Variants in ERICH1 observed in about 807,000 individuals in gnomAD.
ERICH1 encodes the protein glutamate rich 1.
In ERICH1, 56 loss-of-function variants were observed where a neutral mutation model predicts 39.6. The ratio of observed to expected loss-of-function variants is 1.41; its 90% CI spans 1.14 to 1.77. The LOEUF (loss-of-function observed/expected upper bound fraction) is 1.77, where lower values mean the gene tolerates loss of function less well. ERICH1 is among the 40% of genes most tolerant of loss of function. The pLI, the probability that ERICH1 is intolerant of heterozygous loss-of-function variation, is 0.00. For synonymous variants in ERICH1, 313 were observed against 223.6 expected (o/e 1.40, Z -3.57); for missense variants, 826 against 575.4 (o/e 1.44, Z -4.45).
At chr8:702,721 G>C (rs1001847818) in intron 2 of ERICH1, among the ~76,000 whole-genome samples, 2 of 152,238 alleles carry the variant, frequency 1.3e-5, no homozygotes, top group East Asian at 1.9e-4. Flanking sequence ...TTGTGTGGGA[G>C]CGACACTGGT....
intron 3 of ERICH1, among the ~76,000 whole-genome samples, chr8:681,925 C>A (rs907206740): frequency 1.3e-5 from 2 of 152,196 alleles, no homozygotes; most frequent in African/African-American, 2.4e-5. Flanking sequence ...CCCCACCACG[C>A]CTCGGTGACG....
At position 699,577 on chromosome 8, in the gene ERICH1, G is replaced by A. The variant is rs951069373; in HGVS notation, c.170-6965C>T. Among the ~76,000 whole-genome samples the A allele has an allele frequency of 2.8e-5, 4 of 143,774 alleles. No homozygotes were observed. In the East Asian group the frequency reaches 5.8e-4, roughly 21 times the overall value. The allele number at this position is 143,774 out of a possible 152,430, so 94.3% of individuals were successfully genotyped here. A position where few individuals can be genotyped will look rare whatever the true frequency, so the allele number is the denominator to read the frequency against. On this transcript the variant is annotated intron_variant, in intron 2 of 5. Transcript: ENST00000262109. ...GCAGGCGTTCCAGAGAAGGAGGACG[G>A]CTTCATTTCCCTCCTATTTTCATCA...
intron 1 of ERICH1, among the ~76,000 whole-genome samples, chr8:717,849 G>A (rs1781986970): frequency 6.6e-6 from 1 of 152,248 alleles, no homozygotes; most frequent in Non-Finnish European, 1.5e-5. Flanking sequence ...CAGAACGCCT[G>A]AGGCTGGGCA....
chr8:693,989 TC>T (rs61562425), intron 2 of ERICH1, among the ~76,000 whole-genome samples: 33,946 of 152,190 alleles, frequency 0.22, 3,939 homozygotes, highest in East Asian at 0.43. Context: ...AGTTTAGTCT[TC>T]CTTTTTTCAT....
intron 3 of ERICH1, among the ~76,000 whole-genome samples, chr8:677,361 G>A (rs1291475826): frequency 6.6e-6 from 1 of 152,212 alleles, no homozygotes; most frequent in Non-Finnish European, 1.5e-5. Context: ...TTCCCACCGT[G>A]TCTTGTTGTG....
At chr8:700,955 C>G (rs1811971424) in intron 2 of ERICH1, among the ~76,000 whole-genome samples, 1 of 152,258 alleles carries the variant, frequency 6.6e-6, no homozygotes, top group South Asian at 2.1e-4. Context: ...CCAAAAATGA[C>G]AGAGGAAAAG....
intron 3 of ERICH1, among the ~76,000 whole-genome samples, chr8:638,499 G>C (rs1262534774): frequency 1.3e-5 from 2 of 152,180 alleles, no homozygotes; most frequent in African/African-American, 2.4e-5. Flanking sequence ...AAACTGTCTT[G>C]TCAGGAGGGA....
At chr8:687,708 G>A (rs1263367746) in intron 3 of ERICH1, among the ~76,000 whole-genome samples, 2 of 152,154 alleles carry the variant, frequency 1.3e-5, no homozygotes, top group East Asian at 1.9e-4. Flanking sequence ...GGCTGAAGTC[G>A]GCAGAACTGC....
chr8:674,398 G>A (rs1804190437), intron 3 of ERICH1, among the ~76,000 whole-genome samples: 1 of 151,066 alleles, frequency 6.6e-6, no homozygotes, highest in Admixed American at 6.6e-5. Context: ...TGCCTCCCAG[G>A]TTCAAGTGAT....
chr8:694,929 G>A (rs1809795043), intron 2 of ERICH1, among the ~76,000 whole-genome samples: 1 of 152,074 alleles, frequency 6.6e-6, no homozygotes, highest in Non-Finnish European at 1.5e-5. Flanking sequence ...CCCTGGACCT[G>A]GCATCTAAGA....
At chr8:615,320 A>C (rs1438917929) in intron 3 of ERICH1, 3 of 646,782 alleles carry the variant, frequency 4.6e-6, no homozygotes, top group African/African-American at 1.8e-5. Flanking sequence ...AGTTGTGTTC[A>C]TCATTTTAAT....
chr8:676,754 C>T (rs375138174), intron 3 of ERICH1, among the ~76,000 whole-genome samples: 1 of 152,200 alleles, frequency 6.6e-6, no homozygotes, highest in African/African-American at 2.4e-5. Flanking sequence ...GGGTGTTGCC[C>T]GAGCAGACCT....
intron 3 of ERICH1, among the ~76,000 whole-genome samples, chr8:636,545 G>A (rs1006534721): frequency 2.6e-5 from 4 of 152,228 alleles, no homozygotes; most frequent in African/African-American, 9.6e-5. Context: ...CCTCACGGAC[G>A]GAGGCCTGTG....
intron 3 of ERICH1, among the ~76,000 whole-genome samples, chr8:617,018 A>G (rs1796963796): frequency 6.6e-6 from 1 of 151,252 alleles, no homozygotes. Flanking sequence ...ATCCAGAAGG[A>G]AGAAAAACGA....
chr8:676,616 G>A (rs1804881999), intron 3 of ERICH1, among the ~76,000 whole-genome samples: 1 of 152,182 alleles, frequency 6.6e-6, no homozygotes, highest in Non-Finnish European at 1.5e-5. Context: ...GGGAACAGAG[G>A]GTGTGTGCAG....
chr8:665,119 C>G (rs1177157503), intron 5 of ERICH1, among the ~76,000 whole-genome samples: 1 of 152,220 alleles, frequency 6.6e-6, no homozygotes, highest in Admixed American at 6.5e-5. Context: ...GTGGTGCCTA[C>G]GTCATGAAAC....
At chr8:683,997 TTA>T (rs1806746517) in intron 3 of ERICH1, among the ~76,000 whole-genome samples, 2 of 152,258 alleles carry the variant, frequency 1.3e-5, no homozygotes, top group Non-Finnish European at 2.9e-5. Flanking sequence ...GAAATTGTTC[TTA>T]TGTTTCATGT....
chr8:700,699 AAAAGGT>A (rs1414933892), intron 2 of ERICH1, among the ~76,000 whole-genome samples: 23 of 111,206 alleles, frequency 2.1e-4, no homozygotes, highest in Non-Finnish European at 3.9e-4. Flanking sequence ...GGCTGCTCGG[AAAAGGT>A]GCTCAGCGGT....
At chr8:665,786 G>A (rs765842879) in intron 5 of ERICH1, among the ~76,000 whole-genome samples, 2 of 152,218 alleles carry the variant, frequency 1.3e-5, no homozygotes, top group Non-Finnish European at 2.9e-5. Flanking sequence ...AGTAACTGCT[G>A]AGCCAGAGGA....
Sources: gnomAD v4.1 joint callset for allele counts (sites outside exome capture counted in the v4.1 genomes callset) on GRCh38, gnomAD v4.1.1 for gene constraint, MANE v1.5 for transcripts, NCBI Gene and HGNC (gene_info 2026-07-23, HGNC 2026-07-21) for gene names.